Variants in ORC2 observed in about 807,000 individuals in gnomAD.
ORC2 encodes origin recognition complex protein 2 homolog.
ORC2 carries 37 observed loss-of-function variants against 77.7 expected under a neutral mutation model. That is an observed-to-expected ratio of 0.48 (90% confidence interval 0.37 to 0.63). The LOEUF is 0.63. Ranked by LOEUF, ORC2 falls within the 20% of genes least tolerant of loss-of-function variation. ORC2 has a pLI of 0.00. For synonymous variants in ORC2, 201 were observed against 229.5 expected, an observed-to-expected ratio of 0.88 and a Z score of 1.12; for missense variants, 557 against 661.9, an observed-to-expected ratio of 0.84 and a Z score of 1.74.
At chr2:200,915,647 T>C (rs2040634944) in intron 15 of ORC2, among the ~76,000 whole-genome samples, 1 of 152,168 alleles carries the variant, frequency 6.6e-6, no homozygotes, top group Admixed American at 6.5e-5. Flanking sequence ...TTCATTGTTA[T>C]GCAGGTCCAG....
At chr2:200,953,723 T>C (rs1017878334) in intron 4 of ORC2, among the ~76,000 whole-genome samples, 2 of 152,226 alleles carry the variant, frequency 1.3e-5, no homozygotes, top group Admixed American at 6.5e-5. Context: ...TTCAGTTTTG[T>C]ACAATGAGAA....
intron 4 of ORC2, among the ~76,000 whole-genome samples, chr2:200,954,138 T>C (rs2125029469): frequency 6.6e-6 from 1 of 152,076 alleles, no homozygotes; most frequent in East Asian, 1.9e-4. Context: ...GTTCAAGCGA[T>C]TTTCCTGCCT....
rs1415690242 is a variant in ORC2 at position 200,931,338 on chromosome 2, CT to C, written c.917del (p.His306ProfsTer18). The part of the protein sequence containing the change: ...KLFHKWMLQL[H>X]LGFNIVLYGL... ...CAAGGGTTTGTAATGATAATACTTA[CT>C]GTAATTGCAGCATCCATTTATGAAA... On this transcript the variant is annotated frameshift_variant and splice_region_variant, in exon 11 of 18. Transcript: ENST00000234296. LOFTEE classifies it high-confidence loss of function. 1 of 1,193,606 alleles carries C rather than the reference CT, an allele frequency of 8.4e-7. No homozygotes were observed. The highest frequency in any genetic ancestry group is 1.2e-6 in the Non-Finnish European group (1 of 845,070). 73.9% of individuals were successfully genotyped at this position (1,193,606 alleles called of 1,614,324 possible).
chr2:200,956,176 C>G (rs1326985310), intron 4 of ORC2, among the ~76,000 whole-genome samples: 2 of 152,200 alleles, frequency 1.3e-5, no homozygotes, highest in African/African-American at 2.4e-5. Flanking sequence ...AAGCAATCCT[C>G]TGCGTTAGCC....
rs1361202613 is a variant in ORC2 at position 200,928,952 on chromosome 2, G to A, written c.918-2052C>T. Among the ~76,000 whole-genome samples the A allele has an allele frequency of 2.0e-5, 3 of 151,998 alleles. No homozygotes were observed. The East Asian group carries it at 5.8e-4, about 29-fold the overall frequency. On this transcript the variant is annotated intron_variant, in intron 11 of 17. Transcript: ENST00000234296. ...AAACCATTAATTCACTCATTCCAAG[G>A]AGAATGAGCATTTATTTATTTATTT...
intron 13 of ORC2, among the ~76,000 whole-genome samples, chr2:200,923,969 T>C (rs1314701714): frequency 6.6e-6 from 1 of 152,200 alleles, no homozygotes; most frequent in Non-Finnish European, 1.5e-5. Context: ...TATAAATAAA[T>C]GTTAGCAAGC....
chr2:200,928,551 C>T (rs974911134), intron 11 of ORC2, among the ~76,000 whole-genome samples: 3 of 151,830 alleles, frequency 2.0e-5, no homozygotes, highest in Non-Finnish European at 2.9e-5. Context: ...CAGTGGCTCA[C>T]GCCTGTAATC....
At chr2:200,933,325 C>G (rs2040976220) in intron 10 of ORC2, among the ~76,000 whole-genome samples, 1 of 149,976 alleles carries the variant, frequency 6.7e-6, no homozygotes, top group Admixed American at 6.7e-5. Flanking sequence ...ATAATATCCT[C>G]AAGCAGAATA....
At chr2:200,917,367 G>A (rs556135349) in intron 15 of ORC2, among the ~76,000 whole-genome samples, 5 of 151,996 alleles carry the variant, frequency 3.3e-5, no homozygotes, top group East Asian at 3.9e-4. Flanking sequence ...GCCCAGGTTC[G>A]TCTCAAACTC....
intron 4 of ORC2, among the ~76,000 whole-genome samples, chr2:200,950,257 G>T (rs2041327609): frequency 6.6e-6 from 1 of 152,126 alleles, no homozygotes. Flanking sequence ...CTTGAACCTG[G>T]GAGGCAGAGG....
chr2:200,932,583 C>A (rs1398750574), intron 10 of ORC2, among the ~76,000 whole-genome samples: 1 of 152,100 alleles, frequency 6.6e-6, no homozygotes, highest in Non-Finnish European at 1.5e-5. Flanking sequence ...CGTGATCCTC[C>A]CGCCTTGGCC....
In ORC2 at chr2:200,963,519, C is replaced by A; in HGVS notation, c.-89G>T. The A allele has an allele frequency of 2.5e-6, 1 of 398,632 alleles. No homozygotes were observed. Among genetic ancestry groups the A allele is most frequent in the Non-Finnish European group, 4.4e-6 (1 of 226,046 alleles). 24.7% of individuals were successfully genotyped at this position (398,632 alleles called of 1,614,324 possible). ...AGGTTTCCGTCTGGCGCCGATCCGG[C>A]TGCGTCACGCCGGCCGAACGACACC... On this transcript the variant is annotated 5_prime_UTR_variant, in exon 1 of 18. Coordinates refer to ENST00000234296, the MANE Select transcript of ORC2 (RefSeq NM_006190.5).
intron 2 of ORC2, 116 bp from the exon 3 acceptor site, chr2:200,958,249 T>G: frequency 1.6e-6 from 1 of 607,420 alleles, no homozygotes; most frequent in East Asian, 2.8e-5. Flanking sequence ...TCTTTTTAAG[T>G]ATAAAAAATA....
At chr2:200,937,023 T>C (rs181577429) in intron 8 of ORC2, among the ~76,000 whole-genome samples, 1 of 151,896 alleles carries the variant, frequency 6.6e-6, no homozygotes, top group East Asian at 1.9e-4. Context: ...CTTGATTTTG[T>C]GGGCATATAT....
rs1031687134 is a variant in ORC2 at position 200,958,280 on chromosome 2, C to T, written c.-10-147G>A. 2.8e-5 allele frequency: 14 copies of T among 506,568 alleles called. No homozygotes were observed. In the Admixed American group the frequency reaches 3.0e-4, roughly 11 times the overall value. 31.4% of individuals were successfully genotyped at this position (506,568 alleles called of 1,614,324 possible). A position where few individuals can be genotyped will look rare whatever the true frequency, so the allele number is the denominator to read the frequency against. ...AAATACATTATGCATTACTGTATTA[C>T]TACATATTCAACTGTAGGTAACTCA... On this transcript the variant is annotated intron_variant, in intron 2 of 17. Coordinates refer to ENST00000234296, the MANE Select transcript of ORC2 (RefSeq NM_006190.5).
rs2040529369 is a variant in ORC2, at chr2:200,910,345, A to C, written c.*956T>G. On this transcript the variant is annotated 3_prime_UTR_variant, in exon 18 of 18. Transcript: ENST00000234296. ...AATATTCAGGAGGTTTGAAATCATC[A>C]CTTTAAGGAAAAAACTGAAATATCT... 6.6e-6 allele frequency: 1 copy of C among 152,170 alleles called. No homozygotes were observed. Among genetic ancestry groups the C allele is most frequent in the South Asian group, 2.1e-4 (1 of 4,834 alleles). 9.4% of individuals were successfully genotyped at this position (152,170 alleles called of 1,614,324 possible).
Position 200,920,394 on chromosome 2 carries a change from C to T in ORC2, c.1295-1G>A, listed in dbSNP as rs2040735654. The T allele has an allele frequency of 6.5e-7, 1 of 1,535,408 alleles. No homozygotes were observed. The highest frequency in any genetic ancestry group is 1.3e-5 in the South Asian group (1 of 75,720). On this transcript the variant is annotated splice_acceptor_variant, in intron 14 of 17. Transcript: ENST00000234296. LOFTEE classifies it high-confidence loss of function. ...AGACTCTGCTTTGCATGATCCCACA[C>T]TAGCACATGATCAAAGAAAACAAGA...
At chr2:200,962,142 T>A (rs187072285) in intron 1 of ORC2, among the ~76,000 whole-genome samples, 1 of 152,226 alleles carries the variant, frequency 6.6e-6, no homozygotes, top group Non-Finnish European at 1.5e-5. Flanking sequence ...AAAGACCTCA[T>A]GAGAAACGTT....
chr2:200,942,786 A>G lies in ORC2; in HGVS notation c.329-9T>C. The G allele has an allele frequency of 1.3e-6, 2 of 1,559,134 alleles. No homozygotes were observed. The highest frequency in any genetic ancestry group is 1.8e-6 in the Non-Finnish European group (2 of 1,136,520). On this transcript the variant is annotated splice_polypyrimidine_tract_variant and intron_variant, in intron 5 of 17. Coordinates refer to ENST00000234296, the MANE Select transcript of ORC2 (RefSeq NM_006190.5). ...TTTTGCTAGTTCTGAAGCTGTAAACAAAGAAATATATAAAAACCTTTTAAA... is the reference window on the plus strand; with the variant it reads ...TTTTGCTAGTTCTGAAGCTGTAAACGAAGAAATATATAAAAACCTTTTAAA...
Sources: gnomAD v4.1 joint callset for allele counts (sites outside exome capture counted in the v4.1 genomes callset) on GRCh38, gnomAD v4.1.1 for gene constraint, MANE v1.5 for transcripts, NCBI Gene and HGNC (gene_info 2026-07-23, HGNC 2026-07-21) for gene names.